Variants in SPA17 observed in about 807,000 individuals in gnomAD.
SPA17 encodes the protein sperm surface protein Sp17.
In SPA17, 7 loss-of-function variants were observed where a neutral mutation model predicts 13.8. That is an observed-to-expected ratio of 0.51 (90% CI 0.29 to 0.95). SPA17 has a LOEUF of 0.95. Among genes scored for constraint, SPA17 ranks in the 40% least tolerant of loss-of-function variants. The pLI is 0.08. For synonymous variants in SPA17, 61 were observed against 59.0 expected, an observed-to-expected ratio of 1.03 and a Z score of -0.16; for missense variants, 170 against 179.3, an observed-to-expected ratio of 0.95 and a Z score of 0.30.
rs1369312808 is a variant in SPA17 at position 124,681,478 on chromosome 11, G to A, written c.225+19G>A. Reference sequence around the variant, plus strand: ...ATTCGAGGTATGGTCCTTTGAAGCTGTTGGATTTGGCTATTTCTTCTCTCT... The same window carrying A: ...ATTCGAGGTATGGTCCTTTGAAGCTATTGGATTTGGCTATTTCTTCTCTCT... On this transcript the variant is annotated intron_variant, in intron 3 of 4. Transcript: ENST00000227135. The A allele has an allele frequency of 1.3e-6, 2 of 1,534,562 alleles. No individual in the cohort carries two copies. The highest frequency in any genetic ancestry group is 1.8e-6 in the Non-Finnish European group (2 of 1,136,062).
intron 3 of SPA17, among the ~76,000 whole-genome samples, chr11:124,690,518 T>C (rs1314309723): frequency 6.6e-6 from 1 of 152,190 alleles, no homozygotes; most frequent in African/African-American, 2.4e-5. Context: ...AAGGCTAAAA[T>C]GTGCAGTATT....
intron 3 of SPA17, among the ~76,000 whole-genome samples, chr11:124,687,307 C>T (rs1943586369): frequency 6.6e-6 from 1 of 151,626 alleles, no homozygotes; most frequent in African/African-American, 2.4e-5. Context: ...TCCCCCACCC[C>T]AACACCACCA....
intron 2 of SPA17, among the ~76,000 whole-genome samples, chr11:124,676,936 G>A (rs767580526): frequency 2.6e-5 from 4 of 152,146 alleles, no homozygotes; most frequent in Non-Finnish European, 5.9e-5. Flanking sequence ...TGGGAAAAGA[G>A]GTGAATTATA....
chr11:124,674,601 A>T (rs1204552277), intron 1 of SPA17: 1 of 152,236 alleles, frequency 6.6e-6, no homozygotes, highest in Non-Finnish European at 1.5e-5. Context: ...CCTGATCAAG[A>T]AGAAACCGAA....
chr11:124,676,424 A>G (rs1943465074), intron 2 of SPA17: 1 of 152,246 alleles, frequency 6.6e-6, no homozygotes, highest in East Asian at 1.9e-4. Context: ...GTGACTAGAA[A>G]TAGGCACAAG....
intron 3 of SPA17, among the ~76,000 whole-genome samples, chr11:124,691,063 G>T (rs902422332): frequency 4.6e-5 from 7 of 151,958 alleles, no homozygotes; most frequent in African/African-American, 1.5e-4. Context: ...AATTCTAAAG[G>T]CTTTATTTGA....
chr11:124,693,298 A>C (rs1943640756), intron 4 of SPA17, among the ~76,000 whole-genome samples: 1 of 152,162 alleles, frequency 6.6e-6, no homozygotes, highest in African/African-American at 2.4e-5. Flanking sequence ...AAGGTCCATT[A>C]ATATGAGATT....
intron 3 of SPA17, among the ~76,000 whole-genome samples, chr11:124,686,452 T>C (rs1943580040): frequency 6.6e-6 from 1 of 152,200 alleles, no homozygotes; most frequent in Non-Finnish European, 1.5e-5. Flanking sequence ...CTAACAAACA[T>C]TTACAGAACA....
At chr11:124,680,776 GA>G (rs57248117) in intron 2 of SPA17, among the ~76,000 whole-genome samples, 6,274 of 152,042 alleles carry the variant, frequency 0.041, 401 homozygotes, top group African/African-American at 0.14. Flanking sequence ...AAAAAGTGCA[GA>G]AAAATAATCA....
chr11:124,677,193 C>T (rs1943476429), intron 2 of SPA17, among the ~76,000 whole-genome samples: 1 of 152,134 alleles, frequency 6.6e-6, no homozygotes, highest in Non-Finnish European at 1.5e-5. Flanking sequence ...CCCATGTCAA[C>T]CAAAGACAAA....
intron 3 of SPA17, among the ~76,000 whole-genome samples, chr11:124,681,863 A>C (rs781456267): frequency 2.0e-5 from 3 of 152,136 alleles, no homozygotes; most frequent in Admixed American, 2.0e-4. Flanking sequence ...AATAGCAGGT[A>C]CTCCACAAAT....
At chr11:124,691,514 A>G (rs1267401528) in intron 3 of SPA17, among the ~76,000 whole-genome samples, 182 bp from the exon 4 acceptor site, 1 of 152,194 alleles carries the variant, frequency 6.6e-6, no homozygotes, top group Non-Finnish European at 1.5e-5. Context: ...TATTTCCTTA[A>G]GAGCTTTTAT....
rs1407590562 is a variant in SPA17, at chr11:124,694,569, T to C, written c.*123T>C. ...TGTGAAATAACATTCGTTACTGTTG[T>C]GAAAATCTGTCATGAGCATTTGTTT... On this transcript the variant is annotated 3_prime_UTR_variant, in exon 5 of 5. Transcript: ENST00000227135. The C allele has an allele frequency of 3.1e-6, 4 of 1,303,928 alleles. No homozygotes were observed. The highest frequency in any genetic ancestry group is 4.2e-6 in the Non-Finnish European group (4 of 950,906). 80.8% of individuals were successfully genotyped at this position (1,303,928 alleles called of 1,614,324 possible).
chr11:124,680,489 C>T (rs1364960426), intron 2 of SPA17, among the ~76,000 whole-genome samples: 2 of 152,286 alleles, frequency 1.3e-5, no homozygotes, highest in African/African-American at 2.4e-5. Flanking sequence ...GCTGGGGGCT[C>T]TTCCTTTAAA....
chr11:124,678,117 A>G (rs1398753188), intron 2 of SPA17, among the ~76,000 whole-genome samples: 1 of 152,204 alleles, frequency 6.6e-6, no homozygotes, highest in Non-Finnish European at 1.5e-5. Context: ...TGCCACTTCT[A>G]CACTTTTCAG....
At position 124,675,232 on chromosome 11, in the gene SPA17, C is replaced by T. The variant is rs754447226; in HGVS notation, c.-27-6C>T. 6.3e-7 allele frequency: 1 copy of T among 1,598,420 alleles called. No homozygotes were observed. The highest frequency in any genetic ancestry group is 8.5e-7 in the Non-Finnish European group (1 of 1,174,720). On this transcript the variant is annotated splice_polypyrimidine_tract_variant and splice_region_variant and intron_variant, in intron 1 of 4. Coordinates refer to ENST00000227135, the MANE Select transcript of SPA17 (RefSeq NM_017425.4). The stretch of plus-strand genomic sequence containing the variant: ...TTAAAGACAGTACTCTTTAATGAAT[C>T]TTTAGGTTCCATAGGCAGTTCTTAC...
chr11:124,681,948 ATAT>A (rs1337142237), intron 3 of SPA17, among the ~76,000 whole-genome samples: 7 of 152,180 alleles, frequency 4.6e-5, no homozygotes, highest in African/African-American at 1.7e-4. Context: ...CATCGATATG[ATAT>A]TATTGATACA....
intron 4 of SPA17, among the ~76,000 whole-genome samples, chr11:124,693,386 C>A (rs770297637): frequency 2.0e-5 from 3 of 151,664 alleles, no homozygotes; most frequent in Non-Finnish European, 4.4e-5. Context: ...TATACACTGA[C>A]TAATAATACA....
At chr11:124,688,430 T>C (rs1448448092) in intron 3 of SPA17, among the ~76,000 whole-genome samples, 1 of 152,206 alleles carries the variant, frequency 6.6e-6, no homozygotes, top group African/African-American at 2.4e-5. Flanking sequence ...ATCAGTAGCA[T>C]TTCTATACAC....
Sources: allele counts gnomAD v4.1 joint callset (sites outside exome capture counted in the v4.1 genomes callset), GRCh38; gene constraint gnomAD v4.1.1; transcripts MANE v1.5; gene names NCBI Gene and HGNC (gene_info 2026-07-23, HGNC 2026-07-21).